The following ULK4 variants were observed in gnomAD, a reference collection of about 807,000 sequenced individuals.
ULK4 encodes the protein unc-51 like kinase 4.
In ULK4, 133 loss-of-function variants were observed where a neutral mutation model predicts 160.6. The ratio of observed to expected loss-of-function variants is 0.83; its 90% confidence interval spans 0.72 to 0.96. The LOEUF is 0.96. ULK4 is among the 40% of genes least tolerant of loss of function. The pLI is 0.00. For synonymous variants in ULK4, 534 were observed against 539.8 expected (o/e 0.99, Z 0.15); for missense variants, 1,580 against 1,499.5 (o/e 1.05, Z -0.89).
At chr3:41,407,020 C>T (rs1048215467) in intron 34 of ULK4, among the ~76,000 whole-genome samples, 1 of 151,980 alleles carries the variant, frequency 6.6e-6, no homozygotes, top group Non-Finnish European at 1.5e-5. Context: ...GTTGAGGAGA[C>T]AGAGCAAAAA....
chr3:41,532,288 T>C (rs759701218), intron 32 of ULK4, among the ~76,000 whole-genome samples: 1 of 152,214 alleles, frequency 6.6e-6, no homozygotes, highest in African/African-American at 2.4e-5. Context: ...GGTATCTGCA[T>C]GGCTTGCTGC....
At chr3:41,319,336 C>T (rs1575428338) in intron 35 of ULK4, among the ~76,000 whole-genome samples, 1 of 152,248 alleles carries the variant, frequency 6.6e-6, no homozygotes, top group Non-Finnish European at 1.5e-5. Context: ...GTTAGGATGC[C>T]TTGTTTCTAC....
rs187558140 is a variant in ULK4 at position 41,931,587 on chromosome 3, G to T, written c.541+257C>A. 2.0e-5 allele frequency among the ~76,000 whole-genome samples: 3 copies of T among 152,030 alleles called. No individual in the cohort carries two copies. The East Asian group carries it at 5.8e-4, about 30-fold the overall frequency. ...CCATTCCCTTCCTATGTGCTAATGA[G>T]TGCTCAGTAAAACATAAAGCTGAGG... On this transcript the variant is annotated intron_variant, in intron 5 of 36. Transcript: ENST00000301831.
chr3:41,915,130 C>A (rs534545285), intron 8 of ULK4, among the ~76,000 whole-genome samples: 1 of 152,084 alleles, frequency 6.6e-6, no homozygotes, highest in Admixed American at 6.6e-5. Flanking sequence ...GATACACCGT[C>A]TTAAGTAAAT....
intron 27 of ULK4, among the ~76,000 whole-genome samples, chr3:41,694,172 C>A (rs1173289936): frequency 6.6e-6 from 1 of 152,106 alleles, no homozygotes; most frequent in Non-Finnish European, 1.5e-5. Flanking sequence ...ACAGAACGGG[C>A]AATGGCAAGA....
At chr3:41,704,170 G>T (rs893784981) in intron 27 of ULK4, among the ~76,000 whole-genome samples, 2 of 152,140 alleles carry the variant, frequency 1.3e-5, no homozygotes, top group Non-Finnish European at 2.9e-5. Flanking sequence ...GTTATGCTGT[G>T]GATGCCCACA....
At position 41,938,023 on chromosome 3, in the gene ULK4, C is replaced by G. The variant is rs879716033; in HGVS notation, c.238+75G>C. On this transcript the variant is annotated intron_variant, in intron 3 of 36. Coordinates refer to ENST00000301831, the MANE Select transcript of ULK4 (RefSeq NM_017886.4). ...TTCAAGTTAACATAGTAAATAACAT[C>G]AAAAGTAACAAAACTTAACAGCATG... is the stretch of plus-strand genomic sequence containing the variant. The G allele has an allele frequency of 2.3e-5, 27 of 1,169,104 alleles. 1 individual carries two copies. The Middle Eastern group carries it at 6.3e-4, about 27-fold the overall frequency. 72.4% of individuals were successfully genotyped at this position (1,169,104 alleles called of 1,614,324 possible).
chr3:41,631,710 A>G (rs566870166), intron 30 of ULK4, among the ~76,000 whole-genome samples: 3 of 152,244 alleles, frequency 2.0e-5, no homozygotes, highest in African/African-American at 4.8e-5. Context: ...AAATAAGGCC[A>G]TGGAGTGTTT....
intron 32 of ULK4, among the ~76,000 whole-genome samples, chr3:41,544,280 A>G (rs2086788037): frequency 6.6e-6 from 1 of 152,236 alleles, no homozygotes; most frequent in Admixed American, 6.5e-5. Flanking sequence ...AGAATGGTCC[A>G]TTCATTTAGC....
At chr3:41,383,319 G>A (rs1401084176) in intron 35 of ULK4, among the ~76,000 whole-genome samples, 1 of 151,990 alleles carries the variant, frequency 6.6e-6, no homozygotes, top group African/African-American at 2.4e-5. Flanking sequence ...GGTTGGTCTC[G>A]AACTCTTGAC....
At chr3:41,793,375 C>G (rs1446559432) in intron 20 of ULK4, among the ~76,000 whole-genome samples, 2 of 152,156 alleles carry the variant, frequency 1.3e-5, no homozygotes, top group Non-Finnish European at 2.9e-5. Context: ...GGCTGCATAT[C>G]TGTTAGAAAC....
intron 21 of ULK4, among the ~76,000 whole-genome samples, chr3:41,782,542 TAGAA>T (rs1282643053): frequency 1.3e-5 from 2 of 152,104 alleles, no homozygotes; most frequent in South Asian, 2.1e-4. Flanking sequence ...ATTTTAAAGA[TAGAA>T]AGGTAAATCA....
chr3:41,539,479 T>C (rs2086624163), intron 32 of ULK4, among the ~76,000 whole-genome samples: 1 of 152,140 alleles, frequency 6.6e-6, no homozygotes, highest in Non-Finnish European at 1.5e-5. Flanking sequence ...TCTCCAACAC[T>C]ACTACCATAA....
chr3:41,947,505 C>T (rs1365669953), intron 2 of ULK4, among the ~76,000 whole-genome samples: 3 of 152,266 alleles, frequency 2.0e-5, no homozygotes, highest in Admixed American at 1.3e-4. Flanking sequence ...CTGCTGGCCT[C>T]CTCAACTGGA....
intron 32 of ULK4, among the ~76,000 whole-genome samples, chr3:41,518,002 C>G (rs1445426791): frequency 6.6e-6 from 1 of 152,110 alleles, no homozygotes; most frequent in African/African-American, 2.4e-5. Context: ...AGGGAACAAC[C>G]CAAATCAGAA....
chr3:41,908,136 ATTTCT>A (rs1260446368), intron 11 of ULK4, among the ~76,000 whole-genome samples, 195 bp from the exon 12 acceptor site: 2 of 152,146 alleles, frequency 1.3e-5, no homozygotes, highest in Non-Finnish European at 2.9e-5. Flanking sequence ...CTAATGTATT[ATTTCT>A]TTTATTTATA....
chr3:41,322,393 G>A (rs1239828726), intron 35 of ULK4, among the ~76,000 whole-genome samples: 3 of 152,226 alleles, frequency 2.0e-5, no homozygotes, highest in South Asian at 2.1e-4. Context: ...CTCTCCCTCT[G>A]CCTTATGCCC....
intron 35 of ULK4, among the ~76,000 whole-genome samples, chr3:41,365,725 T>C (rs1288741146): frequency 1.3e-5 from 2 of 152,152 alleles, no homozygotes. Flanking sequence ...CCCAAGCCCC[T>C]GCTCTTCACC....
intron 34 of ULK4, among the ~76,000 whole-genome samples, chr3:41,442,592 T>C (rs1302897155): frequency 6.6e-6 from 1 of 152,028 alleles, no homozygotes; most frequent in Non-Finnish European, 1.5e-5. Context: ...TTTCAAAATA[T>C]TTAAAACCTT....
Sources: gnomAD v4.1 joint callset for allele counts (sites outside exome capture counted in the v4.1 genomes callset) on GRCh38, gnomAD v4.1.1 for gene constraint, MANE v1.5 for transcripts, NCBI Gene and HGNC (gene_info 2026-07-23, HGNC 2026-07-21) for gene names.